Variants in JMJD1C observed in about 807,000 individuals in gnomAD.
The protein encoded by JMJD1C is jumonji domain-containing protein 1C.
JMJD1C carries 31 observed loss-of-function variants against 245.3 expected under a neutral mutation model. The ratio of observed to expected loss-of-function variants is 0.13; its 90% CI spans 0.09 to 0.17. JMJD1C has a LOEUF of 0.17. JMJD1C is among the 10% of genes least tolerant of loss of function. JMJD1C has a pLI of 1.00. For synonymous variants in JMJD1C, 1,057 were observed against 1,017.4 expected (o/e 1.04, Z -0.74); for missense variants, 2,691 against 3,000.2 (o/e 0.90, Z 2.41).
intron 1 of JMJD1C, among the ~76,000 whole-genome samples, chr10:63,385,027 C>G (rs1589638663): frequency 6.6e-6 from 1 of 151,978 alleles, no homozygotes; most frequent in Admixed American, 6.6e-5. Context: ...AACATACAGG[C>G]AACTATAGGA....
At chr10:63,171,087 C>T (rs1404692508) in intron 24 of JMJD1C, among the ~76,000 whole-genome samples, 2 of 152,110 alleles carry the variant, frequency 1.3e-5, no homozygotes, top group African/African-American at 2.4e-5. Context: ...CAGAGAATTA[C>T]AACTTTACAA....
At chr10:63,190,825 C>T in intron 17 of JMJD1C, 69 bp downstream of exon 17, 1 of 1,292,908 alleles carries the variant, frequency 7.7e-7, no homozygotes, top group Admixed American at 1.8e-5. Flanking sequence ...AGTTCAGAGC[C>T]AAAAACTAAG....
chr10:63,231,151 A>G (rs1849937677), intron 3 of JMJD1C, among the ~76,000 whole-genome samples: 1 of 152,104 alleles, frequency 6.6e-6, no homozygotes. Flanking sequence ...TCAAGAAAAA[A>G]CCTTAAACTA....
At chr10:63,182,774 G>T (rs923093906) in intron 22 of JMJD1C, among the ~76,000 whole-genome samples, 5 of 152,278 alleles carry the variant, frequency 3.3e-5, no homozygotes, top group Non-Finnish European at 5.9e-5. Flanking sequence ...GGGGAAAAAA[G>T]AATGTTTGAG....
chr10:63,316,374 T>C (rs1940061038), intron 2 of JMJD1C, among the ~76,000 whole-genome samples: 1 of 152,232 alleles, frequency 6.6e-6, no homozygotes, highest in African/African-American at 2.4e-5. Context: ...CATTTGGTTA[T>C]GATGTGGCTT....
At chr10:63,221,910 TG>T (rs1848642359) in intron 3 of JMJD1C, among the ~76,000 whole-genome samples, 1 of 152,088 alleles carries the variant, frequency 6.6e-6, no homozygotes, top group Non-Finnish European at 1.5e-5. Context: ...TTAGTAGAGA[TG>T]GGGTTTCATC....
chr10:63,213,184 CAAA>C (rs1353771228), intron 8 of JMJD1C, among the ~76,000 whole-genome samples: 1 of 55,930 alleles, frequency 1.8e-5, no homozygotes. Flanking sequence ...GACTCCATCT[CAAA>C]AAAAAAAAAA....
At chr10:63,355,424 T>A (rs532294351) in intron 2 of JMJD1C, among the ~76,000 whole-genome samples, 1 of 152,240 alleles carries the variant, frequency 6.6e-6, no homozygotes, top group East Asian at 1.9e-4. Flanking sequence ...AATTTTGTAA[T>A]GTGCAGATTC....
At chr10:63,388,279 C>T (rs891893467) in intron 1 of JMJD1C, among the ~76,000 whole-genome samples, 3 of 151,328 alleles carry the variant, frequency 2.0e-5, no homozygotes, top group Non-Finnish European at 4.4e-5. Context: ...ATCAGACTAA[C>T]GGCAGTTTCT....
chr10:63,427,543 G>T lies in JMJD1C; in HGVS notation c.168+37952C>A, dbSNP rs1312284524. 21 of 1,392,222 alleles carry T rather than the reference G, an allele frequency of 1.5e-5. No homozygotes were observed. In the East Asian group the frequency reaches 4.6e-4, roughly 31 times the overall value. 86.2% of individuals were successfully genotyped at this position (1,392,222 alleles called of 1,614,324 possible). On this transcript the variant is annotated intron_variant, in intron 1 of 25. Transcript: ENST00000399262. ...TCTTCATTCAGTGTACATCCTGGAG[G>T]ACTCTATTGTGGACCCACAGAATCA...
chr10:63,315,054 A>G (rs1182767845), intron 2 of JMJD1C, among the ~76,000 whole-genome samples: 1 of 151,464 alleles, frequency 6.6e-6, no homozygotes, highest in Admixed American at 6.6e-5. Context: ...CCTGGATTCA[A>G]GAGATTGCCC....
intron 2 of JMJD1C, among the ~76,000 whole-genome samples, chr10:63,334,450 G>T (rs763508228): frequency 6.6e-5 from 10 of 152,070 alleles, no homozygotes; most frequent in Non-Finnish European, 1.3e-4. Flanking sequence ...TATCTATTTT[G>T]TTGTTAAATC....
chr10:63,367,563 G>A (rs1945959055), intron 2 of JMJD1C, among the ~76,000 whole-genome samples: 1 of 152,102 alleles, frequency 6.6e-6, no homozygotes, highest in African/African-American at 2.4e-5. Context: ...CTAGTTTGAG[G>A]AAACTTTAAA....
chr10:63,189,088 C>T (rs1263766875), intron 18 of JMJD1C, 80 bp downstream of exon 18: 17 of 1,232,568 alleles, frequency 1.4e-5, no homozygotes, highest in Non-Finnish European at 1.7e-5. Flanking sequence ...CCCTCCATTT[C>T]TATTCCTAAG....
At chr10:63,456,155 C>A (rs1456654158) in intron 1 of JMJD1C, among the ~76,000 whole-genome samples, 1 of 151,966 alleles carries the variant, frequency 6.6e-6, no homozygotes, top group Non-Finnish European at 1.5e-5. Flanking sequence ...AATGGTTTCC[C>A]TCAAAATGAT....
chr10:63,189,939 A>G (rs1288052550), intron 17 of JMJD1C, among the ~76,000 whole-genome samples: 1 of 143,928 alleles, frequency 6.9e-6, no homozygotes. Flanking sequence ...TGCCCAGGCT[A>G]GAGTGCAGTG....
rs1209898354 is a variant in JMJD1C at position 63,339,944 on chromosome 10, C to T, written c.333+40374G>A. 2.6e-5 allele frequency among the ~76,000 whole-genome samples: 4 copies of T among 152,284 alleles called. No individual in the cohort carries two copies. The East Asian group carries it at 7.7e-4, about 29-fold the overall frequency. On this transcript the variant is annotated intron_variant, in intron 2 of 25. Transcript: ENST00000399262. ...CATGCACCTGTAGTCCCTGTAGTCC[C>T]AGCTACTTGAGAGGCTGAGGCAGGA...
intron 2 of JMJD1C, among the ~76,000 whole-genome samples, chr10:63,320,958 G>C (rs1250737134): frequency 1.3e-5 from 2 of 152,180 alleles, no homozygotes; most frequent in African/African-American, 4.8e-5. Context: ...GGAGAGGAGA[G>C]GGGCTGAATT....
chr10:63,427,266 A>G (rs762072348), intron 1 of JMJD1C: 2 of 196,616 alleles, frequency 1.0e-5, no homozygotes, highest in Non-Finnish European at 2.1e-5. Context: ...ACCTGGTCCC[A>G]GGAACTCTGG....
Sources: allele counts gnomAD v4.1 joint callset (sites outside exome capture counted in the v4.1 genomes callset), GRCh38; gene constraint gnomAD v4.1.1; transcripts MANE v1.5; gene names NCBI Gene and HGNC (gene_info 2026-07-23, HGNC 2026-07-21).